The following CCDC83 variants were observed in gnomAD, a reference collection of about 807,000 sequenced individuals.
CCDC83 encodes coiled-coil domain-containing protein 83.
A neutral mutation model predicts 50.1 loss-of-function variants in CCDC83; 54 were observed. The ratio of observed to expected loss-of-function variants is 1.08; its 90% CI spans 0.87 to 1.35. CCDC83 has a LOEUF of 1.35. Ranked by LOEUF, CCDC83 falls within the 40% of genes most tolerant of loss-of-function variation. The pLI, the probability that CCDC83 is intolerant of heterozygous loss-of-function variation, is 0.00. For missense variants in CCDC83, 518 were observed against 473.9 expected (o/e 1.09, Z -0.86); for synonymous variants, 161 against 153.3 (o/e 1.05, Z -0.37).
At chr11:85,881,172 C>T (rs1477346853) in intron 3 of CCDC83, among the ~76,000 whole-genome samples, 3 of 152,010 alleles carry the variant, frequency 2.0e-5, no homozygotes, top group Admixed American at 6.6e-5. Context: ...AGTTCGAGAC[C>T]AGCCTGGCCA....
chr11:85,915,098 G>A (rs1451715815), intron 8 of CCDC83, among the ~76,000 whole-genome samples: 1 of 152,110 alleles, frequency 6.6e-6, no homozygotes, highest in Non-Finnish European at 1.5e-5. Flanking sequence ...TTTGGGTGGG[G>A]CCCAGCTAAA....
chr11:85,859,181 C>CAAA (rs1566065773), intron 1 of CCDC83, among the ~76,000 whole-genome samples: 1 of 76,048 alleles, frequency 1.3e-5, no homozygotes, highest in Non-Finnish European at 2.8e-5. Context: ...AAAAAAAAAA[C>CAAA]CCCTAGGAAT....
chr11:85,917,166 G>GAGAGAGAGAGAGAGAAAGAA (rs756949334), intron 10 of CCDC83, among the ~76,000 whole-genome samples: 13 of 62,458 alleles, frequency 2.1e-4, no homozygotes, highest in East Asian at 7.2e-4. Flanking sequence ...GAGAGAGAGA[G>GAGAGAGAGAGAGAGAAAGAA]AGAAAGAAAG....
At chr11:85,866,774 G>A (rs1433857683) in intron 2 of CCDC83, among the ~76,000 whole-genome samples, 1 of 152,172 alleles carries the variant, frequency 6.6e-6, no homozygotes, top group African/African-American at 2.4e-5. Flanking sequence ...GAGGAGTTAG[G>A]AAAAACTTGT....
Position 85,882,610 on chromosome 11 carries a change from A to G in CCDC83, c.278A>G (p.Glu93Gly), listed in dbSNP as rs774464441. The change falls in exon 4 of 11, where the codon GAG becomes GGG. Residue 93 changes from glutamate (E) to glycine (G), a missense_variant. Glu to Gly is a moderately conservative substitution (Grantham distance 98). Coordinates refer to ENST00000342404, the MANE Select transcript of CCDC83 (RefSeq NM_001286159.2). ...KAEGLPVVTR[E>G]DVEEAMKEKW... ...GAGGGATTGCCAGTTGTAACAAGAG[A>G]GGATGTTGAAGAAGCGATGAAGGAA... The G allele has an allele frequency of 6.2e-7, 1 of 1,614,074 alleles. No homozygotes were observed. The highest frequency in any genetic ancestry group is 1.7e-5 in the Admixed American group (1 of 60,018).
At position 85,895,440 on chromosome 11, in the gene CCDC83, T is replaced by G. The variant is rs2093369794; in HGVS notation, c.603+56T>G. 6.2e-6 allele frequency: 7 copies of G among 1,137,844 alleles called. No individual in the cohort carries two copies. In the South Asian group the frequency reaches 9.5e-5, roughly 15 times the overall value. The allele number at this position is 1,137,844 out of a possible 1,614,324, so 70.5% of individuals were successfully genotyped here. A position where few individuals can be genotyped will look rare whatever the true frequency, so the allele number is the denominator to read the frequency against. On this transcript the variant is annotated intron_variant, in intron 6 of 10. Transcript: ENST00000342404. ...AAACAAACATTTTCCCCCTATTTTT[T>G]CTTTGGGTATATTATAGTGGTTAAG...
At chr11:85,900,737 T>C (rs898853055) in intron 7 of CCDC83, among the ~76,000 whole-genome samples, 11 of 151,686 alleles carry the variant, frequency 7.3e-5, no homozygotes, top group Non-Finnish European at 1.3e-4. Flanking sequence ...ATAGAAAAAA[T>C]TTAGGGAACT....
chr11:85,871,116 G>A (rs968461761), intron 2 of CCDC83, among the ~76,000 whole-genome samples: 7 of 152,166 alleles, frequency 4.6e-5, no homozygotes, highest in African/African-American at 7.2e-5. Flanking sequence ...GCAGTGAGCC[G>A]AGATCATGCT....
At chr11:85,891,892 T>C (rs1165486609) in intron 5 of CCDC83, among the ~76,000 whole-genome samples, 1 of 152,152 alleles carries the variant, frequency 6.6e-6, no homozygotes, top group Non-Finnish European at 1.5e-5. Flanking sequence ...AACCTAGGTG[T>C]GTTAGGCCCC....
At chr11:85,870,379 A>T (rs1485242681) in intron 2 of CCDC83, among the ~76,000 whole-genome samples, 1 of 152,238 alleles carries the variant, frequency 6.6e-6, no homozygotes, top group Non-Finnish European at 1.5e-5. Context: ...CCATGTAAAG[A>T]AGTAGTATTA....
At chr11:85,871,787 C>T (rs760223850) in intron 2 of CCDC83, among the ~76,000 whole-genome samples, 14 of 152,116 alleles carry the variant, frequency 9.2e-5, no homozygotes, top group Admixed American at 7.2e-4. Context: ...CTACTCTTCA[C>T]TCTACTACAG....
intron 1 of CCDC83, among the ~76,000 whole-genome samples, chr11:85,861,770 AG>A (rs971615267): frequency 6.6e-6 from 1 of 151,954 alleles, no homozygotes; most frequent in African/African-American, 2.4e-5. Flanking sequence ...GCACTTTGGG[AG>A]GCCAAAGTGG....
chr11:85,862,734 A>G (rs983512803), intron 1 of CCDC83, among the ~76,000 whole-genome samples: 5 of 152,146 alleles, frequency 3.3e-5, no homozygotes, highest in Admixed American at 1.3e-4. Context: ...GGAACTGTGA[A>G]TCCTTGTAAA....
At chr11:85,884,680 T>C (rs79519293) in intron 4 of CCDC83, among the ~76,000 whole-genome samples, 2,559 of 152,282 alleles carry the variant, frequency 0.017, 34 homozygotes, top group Non-Finnish European at 0.027. Flanking sequence ...CTGGGGCGTA[T>C]GTGTTACTAG....
In CCDC83 at chr11:85,895,394, A is replaced by T; in HGVS notation, c.603+10A>T. ...GGAATGGGCCACACAGGTATAATTC[A>T]ATTTTCTTAAAAACAGAACAAAACA... On this transcript the variant is annotated intron_variant, in intron 6 of 10. Transcript: ENST00000342404. 2.0e-6 allele frequency: 3 copies of T among 1,481,706 alleles called. No homozygotes were observed. The highest frequency in any genetic ancestry group is 2.8e-6 in the Non-Finnish European group (3 of 1,079,226). 91.8% of individuals were successfully genotyped at this position (1,481,706 alleles called of 1,614,324 possible).
chr11:85,895,362 A>G lies in CCDC83; in HGVS notation c.581A>G (p.Gln194Arg), dbSNP rs1223463370. Residue 194 changes from glutamine (Q) to arginine (R), a missense_variant, in exon 6 of 11, where the codon CAA becomes CGA. Gln to Arg is a conservative substitution (Grantham distance 43, BLOSUM62 1). Coordinates refer to ENST00000342404, the MANE Select transcript of CCDC83 (RefSeq NM_001286159.2). The part of the protein sequence containing the change: ...IIKETLLQLD[Q>R]KKEWATQNAV... ...AAGGAAACTTTGTTGCAACTGGACCAAAAGAAGGAATGGGCCACACAGGTA... is the reference window on the plus strand; with the variant it reads ...AAGGAAACTTTGTTGCAACTGGACCGAAAGAAGGAATGGGCCACACAGGTA... 1 of 1,583,848 alleles carries G rather than the reference A, an allele frequency of 6.3e-7. No individual in the cohort carries two copies. The highest frequency in any genetic ancestry group is 2.3e-5 in the East Asian group (1 of 44,176).
chr11:85,907,697 A>C (rs950792499), intron 7 of CCDC83, among the ~76,000 whole-genome samples: 1 of 152,186 alleles, frequency 6.6e-6, no homozygotes, highest in African/African-American at 2.4e-5. Flanking sequence ...AAAAAGAAGT[A>C]GTTTTTATTC....
chr11:85,864,974 G>A (rs980727898), intron 1 of CCDC83, 122 bp from the exon 2 acceptor site: 1 of 613,456 alleles, frequency 1.6e-6, no homozygotes, highest in African/African-American at 1.8e-5. Flanking sequence ...TAGATCTGGG[G>A]ACATGGAAGC....
chr11:85,899,117 A>T (rs943024946), intron 7 of CCDC83, 102 bp downstream of exon 7: 2 of 795,932 alleles, frequency 2.5e-6, no homozygotes, highest in African/African-American at 3.5e-5. Flanking sequence ...GCATGGTACC[A>T]TGACTGACTG....
Sources: allele counts gnomAD v4.1 joint callset (sites outside exome capture counted in the v4.1 genomes callset), GRCh38; gene constraint gnomAD v4.1.1; transcripts MANE v1.5; gene names NCBI Gene and HGNC (gene_info 2026-07-23, HGNC 2026-07-21).